Variants in PIAS1 observed in about 807,000 individuals in gnomAD.
PIAS1 encodes the protein E3 SUMO-protein ligase PIAS1.
In PIAS1, 6 loss-of-function variants were observed where a neutral mutation model predicts 71.3. The ratio of observed to expected loss-of-function variants is 0.08; its 90% CI spans 0.05 to 0.17. The LOEUF (loss-of-function observed/expected upper bound fraction) is 0.17. PIAS1 is among the 10% of genes least tolerant of loss of function. PIAS1 has a pLI of 1.00. For missense variants in PIAS1, 555 were observed against 793.6 expected (o/e 0.70, Z 3.61); for synonymous variants, 303 against 292.9 (o/e 1.03, Z -0.35).
rs555570390 is a variant in PIAS1 at position 68,192,564 on chromosome 15, T to G, written c.*4729T>G. ...CTAGGAATTCCTCCTCTCCTTGCAG[T>G]TATGCTTGGGGAAATGAGAGTCTCC... On this transcript the variant is annotated 3_prime_UTR_variant, in exon 14 of 14. Transcript: ENST00000249636. The G allele has an allele frequency of 6.6e-6, 1 of 152,294 alleles. No homozygotes were observed. Among genetic ancestry groups the G allele is most frequent in the South Asian group, 2.1e-4 (1 of 4,832 alleles). The allele number at this position is 152,294 out of a possible 1,614,324, so 9.4% of individuals were successfully genotyped here.
chr15:68,174,125 G>A lies in PIAS1; in HGVS notation c.1169+233G>A, dbSNP rs1478665219. ...CGTGTGTTACTGTCAGTGCCTCCTG[G>A]CATTTGTCGTTGAAAGCACTGGTGC... On this transcript the variant is annotated intron_variant, in intron 9 of 13. Transcript: ENST00000249636. This position sits in a 1 kb window ranked among gnomAD's most constrained non-coding sequence, Gnocchi z 4.0. Among the ~76,000 whole-genome samples, 1 of 152,150 alleles carries A rather than the reference G, an allele frequency of 6.6e-6. No homozygotes were observed. Among genetic ancestry groups the A allele is most frequent in the Non-Finnish European group, 1.5e-5 (1 of 68,026 alleles).
intron 2 of PIAS1, among the ~76,000 whole-genome samples, chr15:68,116,275 G>GT (rs893783667): frequency 2.0e-5 from 3 of 151,516 alleles, no homozygotes; most frequent in African/African-American, 7.3e-5. Context: ...TCAGATTCTT[G>GT]TAGGGCTATT....
intron 1 of PIAS1, among the ~76,000 whole-genome samples, chr15:68,065,443 T>C (rs957313582): frequency 1.3e-5 from 2 of 151,866 alleles, no homozygotes; most frequent in South Asian, 2.1e-4. Flanking sequence ...TACAAAAAAT[T>C]AGCTGGGCAT....
At chr15:68,072,700 ACT>A (rs1262244674) in intron 1 of PIAS1, among the ~76,000 whole-genome samples, 2 of 151,922 alleles carry the variant, frequency 1.3e-5, no homozygotes, top group Non-Finnish European at 2.9e-5. Context: ...ACTATTTCAG[ACT>A]CTTGTAGTGT....
chr15:68,099,421 T>C (rs1368906399), intron 2 of PIAS1, among the ~76,000 whole-genome samples: 3 of 151,936 alleles, frequency 2.0e-5, no homozygotes, highest in Admixed American at 6.6e-5. Context: ...TTTTTTATGA[T>C]TGGTGTTGCA....
chr15:68,122,586 T>C (rs369421693), intron 2 of PIAS1, among the ~76,000 whole-genome samples: 2 of 152,354 alleles, frequency 1.3e-5, no homozygotes, highest in African/African-American at 4.8e-5. Context: ...TCACAGTGGT[T>C]CTAAAACACT....
chr15:68,100,892 TTTG>T (rs1370598311), intron 2 of PIAS1, among the ~76,000 whole-genome samples: 1 of 63,828 alleles, frequency 1.6e-5, no homozygotes, highest in Non-Finnish European at 2.8e-5. Flanking sequence ...TGTTGTTGTT[TTTG>T]TTTTGTTTTT....
At chr15:68,084,285 A>G (rs1274722042) in intron 1 of PIAS1, among the ~76,000 whole-genome samples, 1 of 152,090 alleles carries the variant, frequency 6.6e-6, no homozygotes, top group African/African-American at 2.4e-5. Context: ...GACCCATGCC[A>G]ACTTAAATTT....
intron 2 of PIAS1, among the ~76,000 whole-genome samples, chr15:68,138,856 C>G (rs2092751416): frequency 6.6e-6 from 1 of 152,126 alleles, no homozygotes; most frequent in South Asian, 2.1e-4. Flanking sequence ...ATTCTGAAAT[C>G]TTTACTAAAA....
At chr15:68,172,760 C>T (rs769143044) in intron 8 of PIAS1, among the ~76,000 whole-genome samples, 26 of 152,184 alleles carry the variant, frequency 1.7e-4, no homozygotes, top group South Asian at 2.1e-4. Flanking sequence ...CAGGTTTCTG[C>T]GTGGCTTTTC....
In PIAS1 at chr15:68,078,510, A is replaced by G. The variant is rs146950718; in HGVS notation, c.25-7796A>G. Among the ~76,000 whole-genome samples the G allele has an allele frequency of 3.3e-3, 501 of 152,272 alleles. 1 individual carries two copies. The highest frequency in any genetic ancestry group is 5.4e-3 in the Non-Finnish European group (369 of 68,016). On this transcript the variant is annotated intron_variant, in intron 1 of 13. Transcript: ENST00000249636. ...ATTTATTCCACTGCCTGCTCATGTT[A>G]TACTGTATAAATTCCTTGACTGTCA...
intron 2 of PIAS1, among the ~76,000 whole-genome samples, chr15:68,101,659 A>G (rs937237607): frequency 2.6e-5 from 4 of 152,020 alleles, no homozygotes; most frequent in Admixed American, 2.0e-4. Context: ...ATCTTTTTAC[A>G]TAGAACAAAA....
At chr15:68,162,901 G>GA (rs1382306379) in intron 7 of PIAS1, among the ~76,000 whole-genome samples, 2 of 152,312 alleles carry the variant, frequency 1.3e-5, no homozygotes, top group East Asian at 3.9e-4. Flanking sequence ...AGGAAAAAGA[G>GA]AAAGTGAATT....
chr15:68,171,618 A>G lies in PIAS1; in HGVS notation c.1009-2114A>G, dbSNP rs183360993. Among the ~76,000 whole-genome samples, 19 of 152,304 alleles carry G rather than the reference A, an allele frequency of 1.2e-4. No homozygotes were observed. The East Asian group carries it at 3.7e-3, about 29-fold the overall frequency. On this transcript the variant is annotated intron_variant, in intron 8 of 13. Coordinates refer to ENST00000249636, the MANE Select transcript of PIAS1 (RefSeq NM_016166.3). This position sits in a 1 kb window ranked among gnomAD's most constrained non-coding sequence, Gnocchi z 4.4. ...ATTGCTCTAGTCTCAGTAAGTTTAT[A>G]GCATGTTCAGTGTTCTATTTTTATT...
intron 4 of PIAS1, among the ~76,000 whole-genome samples, chr15:68,143,308 A>G (rs2092785126): frequency 6.6e-6 from 1 of 152,084 alleles, no homozygotes; most frequent in Non-Finnish European, 1.5e-5. Context: ...CTAGGAGGCT[A>G]AAAAAGGGAT....
intron 6 of PIAS1, among the ~76,000 whole-genome samples, 199 bp downstream of exon 6, chr15:68,146,899 T>G (rs1173363659): frequency 6.6e-6 from 1 of 152,214 alleles, no homozygotes; most frequent in Non-Finnish European, 1.5e-5. Flanking sequence ...GCCCTTTTAC[T>G]CCACAATTGA....
At chr15:68,146,396 T>G (rs889442981) in intron 5 of PIAS1, among the ~76,000 whole-genome samples, 170 bp from the exon 6 acceptor site, 2 of 152,214 alleles carry the variant, frequency 1.3e-5, no homozygotes, top group African/African-American at 4.8e-5. Flanking sequence ...AGTATAAGGT[T>G]GTTTGGAAAA....
At chr15:68,166,813 G>T (rs916243642) in intron 8 of PIAS1, among the ~76,000 whole-genome samples, 7 of 152,116 alleles carry the variant, frequency 4.6e-5, no homozygotes, top group Admixed American at 4.6e-4. Flanking sequence ...ATCACATTTT[G>T]CTCTTTGCAC....
At chr15:68,183,044 A>C (rs764922686) in intron 12 of PIAS1, among the ~76,000 whole-genome samples, 6 of 152,176 alleles carry the variant, frequency 3.9e-5, no homozygotes, top group Non-Finnish European at 8.8e-5. Context: ...CTTGCAGTGA[A>C]TCCTCAGCAG....
Sources: gnomAD v4.1 joint callset for allele counts (sites outside exome capture counted in the v4.1 genomes callset) on GRCh38, gnomAD v4.1.1 for gene constraint, Gnocchi (gnomAD v3.1) non-coding constraint, MANE v1.5 for transcripts, NCBI Gene and HGNC (gene_info 2026-07-23, HGNC 2026-07-21) for gene names.